TPR: variants seen among roughly 807,000 people sequenced by gnomAD.
The protein encoded by TPR is nucleoprotein TPR.
In TPR, 51 loss-of-function variants were observed where a neutral mutation model predicts 316.1. The ratio of observed to expected loss-of-function variants is 0.16; its 90% CI spans 0.13 to 0.20. The LOEUF (loss-of-function observed/expected upper bound fraction) is 0.20, where lower values mean the gene tolerates loss of function less well. TPR is among the 10% of genes least tolerant of loss of function. The pLI is 1.00. For synonymous variants in TPR, 981 were observed against 914.7 expected (o/e 1.07, Z -1.31); for missense variants, 2,272 against 2,754.8 (o/e 0.82, Z 3.92).
At position 186,338,263 on chromosome 1, in the gene TPR, G is replaced by A. The variant is rs1164530203; in HGVS notation, c.4152-20C>T. 2.8e-5 allele frequency: 44 copies of A among 1,575,458 alleles called. No individual in the cohort carries two copies. The highest frequency in any genetic ancestry group is 1.8e-4 in the Middle Eastern group (1 of 5,544). The stretch of plus-strand genomic sequence containing the variant: ...TTTGATCTTTAAAAAATGGAGGAAA[G>A]AAGAAAGATTAAATATATGAGACAT... On this transcript the variant is annotated intron_variant, in intron 30 of 50. Transcript: ENST00000367478.
intron 39 of TPR, among the ~76,000 whole-genome samples, chr1:186,330,720 C>G (rs1365889761): frequency 6.6e-6 from 1 of 152,034 alleles, no homozygotes; most frequent in Non-Finnish European, 1.5e-5. Flanking sequence ...CTATTTCTTC[C>G]TCATGAGCAA....
At position 186,351,458 on chromosome 1, in the gene TPR, G is replaced by T; in HGVS notation, c.2482C>A (p.Arg828=). The part of the protein sequence containing the change: ...NLQTIQGILE[R]SETETKQRLS... Reference sequence around the variant, plus strand: ...CTTTGTTTGGTTTCTGTTTCAGATCGCTCCAGTATTCCCTAAAGCAAAGAA... The same window carrying T: ...CTTTGTTTGGTTTCTGTTTCAGATCTCTCCAGTATTCCCTAAAGCAAAGAA... The change falls in exon 20 of 51, where the codon CGA becomes AGA. Residue 828 remains arginine, a synonymous_variant. Coordinates refer to ENST00000367478, the MANE Select transcript of TPR (RefSeq NM_003292.3). 1 of 1,600,432 alleles carries T rather than the reference G, an allele frequency of 6.2e-7. No individual in the cohort carries two copies. The highest frequency in any genetic ancestry group is 1.1e-5 in the South Asian group (1 of 87,758).
rs748282325 is a variant in TPR at position 186,327,597 on chromosome 1, T to C, written c.5752A>G (p.Ile1918Val). 2 of 1,612,996 alleles carry C rather than the reference T, an allele frequency of 1.2e-6. No homozygotes were observed. The highest frequency in any genetic ancestry group is 4.5e-5 in the East Asian group (2 of 44,794). The change falls in exon 40 of 51, where the codon ATA (isoleucine) becomes GTA (valine). Residue 1918 changes from isoleucine (I) to valine (V), a missense_variant. Transcript: ENST00000367478. ...DSEETSQSLQ[I>V]DLGPLQSDQQ... ...TCTGATTGAAGTGGCCCAAGATCTA[T>C]TTGTAGAGACTGAGAGGTTTCTTCA...
chr1:186,337,522 G>C (rs892951357), intron 31 of TPR, among the ~76,000 whole-genome samples: 2 of 151,506 alleles, frequency 1.3e-5, no homozygotes, highest in Non-Finnish European at 2.9e-5. Flanking sequence ...TGTACTAATA[G>C]TGGCTAAAAC....
intron 42 of TPR, among the ~76,000 whole-genome samples, chr1:186,324,336 G>C (rs1657855067): frequency 6.6e-6 from 1 of 152,174 alleles, no homozygotes; most frequent in Non-Finnish European, 1.5e-5. Flanking sequence ...TAGACCATTA[G>C]AGAATCAGTG....
At chr1:186,344,727 T>C (rs1048355401) in intron 24 of TPR, 149 bp from the exon 25 acceptor site, 18 of 613,994 alleles carry the variant, frequency 2.9e-5, no homozygotes, top group Non-Finnish European at 4.1e-5. Flanking sequence ...TAAAAGTTAA[T>C]GCTTTAGTTA....
intron 6 of TPR, 148 bp from the exon 7 acceptor site, chr1:186,362,528 G>A (rs1483191592): frequency 6.0e-6 from 4 of 664,488 alleles, no homozygotes; most frequent in African/African-American, 3.7e-5. Context: ...AGAAAACTAA[G>A]AGTAACTGCT....
chr1:186,353,236 GT>G (rs879307204), intron 18 of TPR, among the ~76,000 whole-genome samples: 1 of 152,092 alleles, frequency 6.6e-6, no homozygotes. Flanking sequence ...GCCAGGTGTG[GT>G]GGCGGGCACC....
At chr1:186,331,602 A>G (rs1178335011) in intron 38 of TPR, 21 bp from the exon 39 acceptor site, 3 of 1,545,744 alleles carry the variant, frequency 1.9e-6, no homozygotes, top group East Asian at 2.3e-5. Context: ...ATACACTAAT[A>G]TATTAACCAT....
intron 7 of TPR, among the ~76,000 whole-genome samples, 199 bp downstream of exon 7, chr1:186,362,089 T>C (rs1289514157): frequency 6.6e-6 from 1 of 152,022 alleles, no homozygotes; most frequent in Non-Finnish European, 1.5e-5. Context: ...CCCATACTCA[T>C]TTTTTAGATA....
Position 186,326,258 on chromosome 1 carries a change from T to A in TPR, c.5890-23A>T, listed in dbSNP as rs185465843. 870 of 1,587,032 alleles carry A rather than the reference T, an allele frequency of 5.5e-4. 7 individuals carry two copies. In the African/African-American group the frequency reaches 1.0e-2, roughly 18 times the overall value. The stretch of plus-strand genomic sequence containing the variant: ...ATCCTAGTAGAAAGTTCCCCAGGCA[T>A]AAATAAAAGTTTAGAATATGGCCCA... On this transcript the variant is annotated intron_variant, in intron 40 of 50. Coordinates refer to ENST00000367478, the MANE Select transcript of TPR (RefSeq NM_003292.3).
rs542704115 is a variant in TPR, at chr1:186,349,424, C to T, written c.2776+799G>A. On this transcript the variant is annotated intron_variant, in intron 21 of 50. Transcript: ENST00000367478. ...ATCCCAGCACTTTGGGAGGCCGCGG[C>T]GGGCAGAGCACAAGGTCAGGAGATC... Among the ~76,000 whole-genome samples, 298 of 151,894 alleles carry T rather than the reference C, an allele frequency of 2.0e-3. 1 individual carries two copies. The highest frequency in any genetic ancestry group is 6.5e-3 in the African/African-American group (271 of 41,396).
intron 36 of TPR, 47 bp downstream of exon 36, chr1:186,334,278 A>G: frequency 1.3e-6 from 2 of 1,509,946 alleles, no homozygotes; most frequent in East Asian, 4.6e-5. Flanking sequence ...TCTTCTCATA[A>G]TAAATCTAAA....
intron 3 of TPR, among the ~76,000 whole-genome samples, chr1:186,370,753 C>A (rs1487863363): frequency 6.6e-6 from 1 of 152,068 alleles, no homozygotes; most frequent in Non-Finnish European, 1.5e-5. Flanking sequence ...AGTCAGCATT[C>A]AATAGATAAT....
chr1:186,336,521 T>C lies in TPR; in HGVS notation c.4680A>G (p.Ala1560=), dbSNP rs765748617. 6 of 1,613,740 alleles carry C rather than the reference T, an allele frequency of 3.7e-6. No individual in the cohort carries two copies. The highest frequency in any genetic ancestry group is 5.1e-6 in the Non-Finnish European group (6 of 1,179,896). The change falls in exon 33 of 51, where the codon GCA becomes GCG. Residue 1560 remains alanine (A), a synonymous_variant. Coordinates refer to ENST00000367478, the MANE Select transcript of TPR (RefSeq NM_003292.3). ...EEKTRKAIVA[A]KSKIAHLAGV... Reference sequence around the variant, plus strand: ...CAGCTAAGTGTGCAATTTTTGACTTTGCTGCTACAATAGCCTTTCTGGTTT... The same window carrying C: ...CAGCTAAGTGTGCAATTTTTGACTTCGCTGCTACAATAGCCTTTCTGGTTT...
At chr1:186,346,078 G>T in intron 23 of TPR, 57 bp downstream of exon 23, 2 of 1,517,088 alleles carry the variant, frequency 1.3e-6, no homozygotes, top group East Asian at 2.3e-5. Context: ...TGACTTAGTT[G>T]AAAGAATTCA....
chr1:186,367,060 C>CTTTTTT (rs71104854), intron 4 of TPR, among the ~76,000 whole-genome samples: 57 of 89,550 alleles, frequency 6.4e-4, no homozygotes, highest in Non-Finnish European at 7.9e-4. Flanking sequence ...CCCAAAACAC[C>CTTTTTT]TTTTTTTTTT....
In TPR at chr1:186,332,319, AAAG is replaced by A. The variant is rs1299843331; in HGVS notation, c.5477_5479del (p.Ser1826del). ...TTCCTCTTCACGTGTACGCTTTGGC[AAAG>A]AAGAACTGGGGGTAGCCGAAACTTT... On this transcript the variant is annotated inframe_deletion, in exon 38 of 51. Transcript: ENST00000367478. 3.7e-6 allele frequency: 6 copies of A among 1,612,620 alleles called. No homozygotes were observed. Among genetic ancestry groups the A allele is most frequent in the Admixed American group, 1.7e-5 (1 of 59,830 alleles).
chr1:186,361,087 G>A (rs2101984444), intron 9 of TPR, among the ~76,000 whole-genome samples, 182 bp from the exon 10 acceptor site: 1 of 151,612 alleles, frequency 6.6e-6, no homozygotes, highest in East Asian at 2.0e-4. Context: ...TCTTCGCCTG[G>A]TGTTTCTCCT....
Sources: gnomAD v4.1 joint callset for allele counts (sites outside exome capture counted in the v4.1 genomes callset) on GRCh38, gnomAD v4.1.1 for gene constraint, MANE v1.5 for transcripts, NCBI Gene and HGNC (gene_info 2026-07-23, HGNC 2026-07-21) for gene names.